The following AK5 variants were observed in gnomAD, a reference collection of about 807,000 sequenced individuals.
AK5 encodes the protein adenylate kinase isoenzyme 5.
A neutral mutation model predicts 69.5 loss-of-function variants in AK5; 27 were observed. The observed-to-expected ratio is 0.39, with a 90% CI of 0.29 to 0.54. The LOEUF is 0.54. Ranked by LOEUF, AK5 falls within the 20% of genes least tolerant of loss-of-function variation. The probability of loss-of-function intolerance (pLI) is 0.71; values close to 1 mark genes in which losing one functional copy is unlikely to be tolerated. For missense variants in AK5, 531 were observed against 700.4 expected, an observed-to-expected ratio of 0.76 and a Z score of 2.73; for synonymous variants, 260 against 244.4, an observed-to-expected ratio of 1.06 and a Z score of -0.60.
At chr1:77,391,017 C>G (rs1648387649) in intron 6 of AK5, among the ~76,000 whole-genome samples, 1 of 152,128 alleles carries the variant, frequency 6.6e-6, no homozygotes, top group South Asian at 2.1e-4. Flanking sequence ...CACGGACAAA[C>G]TTTGTCTTGG....
chr1:77,315,361 A>G (rs1458165908), intron 5 of AK5, among the ~76,000 whole-genome samples: 3 of 152,146 alleles, frequency 2.0e-5, no homozygotes, highest in Admixed American at 1.3e-4. Flanking sequence ...CTTAGTATAC[A>G]TTAGAAAGTG....
chr1:77,286,826 A>G (rs1570312031), intron 1 of AK5, 115 bp from the exon 2 acceptor site: 3 of 607,300 alleles, frequency 4.9e-6, no homozygotes, highest in Admixed American at 4.5e-5. Context: ...CAGCCTGGGC[A>G]GCAGAGTGAG....
chr1:77,320,329 G>T (rs747628449), intron 5 of AK5, among the ~76,000 whole-genome samples: 9 of 152,124 alleles, frequency 5.9e-5, no homozygotes, highest in Non-Finnish European at 1.2e-4. Flanking sequence ...CGTATTGGAA[G>T]GATTTCTACC....
At position 77,355,304 on chromosome 1, in the gene AK5, A is replaced by G. The variant is rs185130771; in HGVS notation, c.891+14736A>G. Among the ~76,000 whole-genome samples the G allele has an allele frequency of 2.9e-3, 435 of 152,342 alleles. 10 individuals carry two copies. The highest frequency in any genetic ancestry group is 0.028 in the Admixed American group (424 of 15,292). On this transcript the variant is annotated intron_variant, in intron 6 of 13. Transcript: ENST00000354567. ...TGAATTCTTAAAACAATGAAATCTGATATTAAAAATATCAAGTAGTGCATT... is the reference window on the plus strand; with the variant it reads ...TGAATTCTTAAAACAATGAAATCTGGTATTAAAAATATCAAGTAGTGCATT...
chr1:77,293,866 A>G lies in AK5; in HGVS notation c.321A>G (p.Glu107=), dbSNP rs774162580. Residue 107 remains glutamate (E), a synonymous_variant, in exon 3 of 14, where the codon GAA becomes GAG. Transcript: ENST00000354567. Reference sequence around the variant, plus strand: ...CTCCAATCCATCAATTCTCCATAGAAAGTGACACGGATCTCTCTGAGACTG... The same window carrying G: ...CTCCAATCCATCAATTCTCCATAGAGAGTGACACGGATCTCTCTGAGACTG... ...RLPPIHQFSI[E]SDTDLSETAE... 5.6e-6 allele frequency: 9 copies of G among 1,613,680 alleles called. No homozygotes were observed. Among genetic ancestry groups the G allele is most frequent in the South Asian group, 1.1e-5 (1 of 90,998 alleles).
chr1:77,353,791 C>T (rs1557520959), intron 6 of AK5, among the ~76,000 whole-genome samples: 1 of 152,144 alleles, frequency 6.6e-6, no homozygotes, highest in Non-Finnish European at 1.5e-5. Context: ...AGGATGCTTC[C>T]AGCTAGTTTA....
At chr1:77,429,382 T>C (rs1285681309) in intron 8 of AK5, among the ~76,000 whole-genome samples, 2 of 152,230 alleles carry the variant, frequency 1.3e-5, no homozygotes, top group Non-Finnish European at 2.9e-5. Context: ...ATGTGTCTTT[T>C]GGCTGCATAA....
rs71244408 is a variant in AK5, at chr1:77,443,677, CTGTGTGTGTGTGTGTG to C, written c.1059+25994_1059+26009del. Among the ~76,000 whole-genome samples, 76 of 134,116 alleles carry C rather than the reference CTGTGTGTGTGTGTGTG, an allele frequency of 5.7e-4. 1 individual carries two copies. The highest frequency in any genetic ancestry group is 1.8e-3 in the African/African-American group (65 of 36,026). 88.0% of individuals were successfully genotyped at this position (134,116 alleles called of 152,430 possible). ...CAGAACAGAGTTTACTGTGGGGAGT[CTGTGTGTGTGTGTGTG>C]TGTGTGTGTGTGTGTGTGTGTGTGT... On this transcript the variant is annotated intron_variant, in intron 8 of 13. Transcript: ENST00000354567.
intron 6 of AK5, among the ~76,000 whole-genome samples, chr1:77,352,290 CT>C (rs1662253177): frequency 2.0e-5 from 3 of 152,316 alleles, no homozygotes; most frequent in Admixed American, 2.0e-4. Flanking sequence ...ATATTAGCTA[CT>C]TTTCAGTAAG....
chr1:77,549,194 A>G (rs771426265), intron 13 of AK5, among the ~76,000 whole-genome samples: 6 of 152,060 alleles, frequency 3.9e-5, no homozygotes, highest in Non-Finnish European at 7.4e-5. Flanking sequence ...GCTTTTTAAT[A>G]AAATAATATT....
intron 8 of AK5, among the ~76,000 whole-genome samples, chr1:77,443,705 G>A (rs866082686): frequency 6.7e-6 from 1 of 150,116 alleles, no homozygotes; most frequent in African/African-American, 2.5e-5. Flanking sequence ...GTGTGTGTGT[G>A]TGTGTGTGTG....
intron 12 of AK5, 31 bp downstream of exon 12, chr1:77,521,974 A>G (rs1658014515): frequency 2.0e-6 from 3 of 1,497,822 alleles, no homozygotes; most frequent in Non-Finnish European, 9.1e-7. Flanking sequence ...TCCTTCCAGA[A>G]GAAAAATAGG....
intron 6 of AK5, among the ~76,000 whole-genome samples, chr1:77,394,036 G>A (rs1259463664): frequency 6.6e-6 from 1 of 151,956 alleles, no homozygotes; most frequent in Non-Finnish European, 1.5e-5. Flanking sequence ...CCAACATGGT[G>A]AAACCCTGTC....
intron 8 of AK5, among the ~76,000 whole-genome samples, chr1:77,457,327 A>C (rs567940693): frequency 6.6e-6 from 1 of 152,004 alleles, no homozygotes; most frequent in African/African-American, 2.4e-5. Context: ...GTTGGTTTTT[A>C]TTCTTTGCTC....
chr1:77,548,317 G>A (rs1271646031), intron 13 of AK5, among the ~76,000 whole-genome samples: 6 of 152,128 alleles, frequency 3.9e-5, no homozygotes, highest in African/African-American at 1.4e-4. Flanking sequence ...CTGGATATGT[G>A]AACTGGATGA....
chr1:77,426,109 T>C (rs1419415470), intron 8 of AK5, among the ~76,000 whole-genome samples: 1 of 152,160 alleles, frequency 6.6e-6, no homozygotes, highest in Non-Finnish European at 1.5e-5. Flanking sequence ...GTAACAAATA[T>C]GGTATATATT....
At chr1:77,431,144 CT>C (rs1355777815) in intron 8 of AK5, among the ~76,000 whole-genome samples, 1 of 152,132 alleles carries the variant, frequency 6.6e-6, no homozygotes, top group African/African-American at 2.4e-5. Flanking sequence ...GCAAAGCCAT[CT>C]GTTGAGATTT....
At chr1:77,378,461 A>T (rs1647387528) in intron 6 of AK5, among the ~76,000 whole-genome samples, 1 of 152,200 alleles carries the variant, frequency 6.6e-6, no homozygotes, top group Non-Finnish European at 1.5e-5. Flanking sequence ...AGCTGGGATT[A>T]CAGGCATGCA....
chr1:77,544,894 G>A (rs1473898998), intron 13 of AK5, among the ~76,000 whole-genome samples: 2 of 152,168 alleles, frequency 1.3e-5, no homozygotes, highest in Non-Finnish European at 2.9e-5. Context: ...TACTTTACGT[G>A]ATTGTACGTG....
Sources: allele counts gnomAD v4.1 joint callset (sites outside exome capture counted in the v4.1 genomes callset), GRCh38; gene constraint gnomAD v4.1.1; transcripts MANE v1.5; gene names NCBI Gene and HGNC (gene_info 2026-07-23, HGNC 2026-07-21).